The following HHAT variants were observed in gnomAD, a reference collection of about 807,000 sequenced individuals.
HHAT encodes protein-cysteine N-palmitoyltransferase HHAT.
Under a neutral mutation model 70.8 loss-of-function variants are expected in HHAT, and 47 were observed. The observed-to-expected ratio is 0.66, with a 90% CI of 0.53 to 0.85. The LOEUF is 0.85. HHAT is among the 40% of genes least tolerant of loss of function. HHAT has a pLI of 0.00. For synonymous variants in HHAT, 228 were observed against 247.6 expected (o/e 0.92, Z 0.74); for missense variants, 609 against 604.8 (o/e 1.01, Z -0.07).
At position 210,480,918 on chromosome 1, in the gene HHAT, G is replaced by C. The variant is rs1420728527; in HGVS notation, c.1007+16263G>C. 2.0e-5 allele frequency among the ~76,000 whole-genome samples: 3 copies of C among 152,102 alleles called. No homozygotes were observed. In the South Asian group the frequency reaches 6.2e-4, roughly 32 times the overall value. ...CCATCCATCTATCCATTCACTGATC[G>C]AACAAATATTTGTTGAGTGCCTGTT... On this transcript the variant is annotated intron_variant, in intron 8 of 11. Coordinates refer to ENST00000261458, the MANE Select transcript of HHAT (RefSeq NM_018194.6).
At chr1:210,424,561 A>C (rs953285227) in intron 7 of HHAT, among the ~76,000 whole-genome samples, 5 of 142,444 alleles carry the variant, frequency 3.5e-5, no homozygotes, top group African/African-American at 1.3e-4. Flanking sequence ...CTGAGTACTC[A>C]TTAGTTATTT....
intron 6 of HHAT, among the ~76,000 whole-genome samples, chr1:210,409,144 G>A (rs2092439882): frequency 5.3e-5 from 8 of 152,170 alleles, no homozygotes; most frequent in Admixed American, 3.9e-4. Context: ...GGGATTACAG[G>A]CACACACCAT....
chr1:210,512,943 A>G (rs2094985116), intron 8 of HHAT, among the ~76,000 whole-genome samples: 1 of 152,076 alleles, frequency 6.6e-6, no homozygotes, highest in Non-Finnish European at 1.5e-5. Flanking sequence ...AGAATTTTGG[A>G]ATTGGTATGT....
chr1:210,598,810 T>C (rs984901644), intron 10 of HHAT, among the ~76,000 whole-genome samples: 1 of 152,254 alleles, frequency 6.6e-6, no homozygotes, highest in Non-Finnish European at 1.5e-5. Flanking sequence ...AATTTTTGGT[T>C]CTTATAAAGG....
intron 7 of HHAT, among the ~76,000 whole-genome samples, chr1:210,426,198 C>G (rs368906312): frequency 6.6e-6 from 1 of 152,158 alleles, no homozygotes; most frequent in Non-Finnish European, 1.5e-5. Flanking sequence ...GATTTTGTAT[C>G]CTGAGACTTT....
intron 8 of HHAT, among the ~76,000 whole-genome samples, chr1:210,508,515 A>G (rs1438834402): frequency 3.9e-5 from 1 of 25,690 alleles, no homozygotes; most frequent in Admixed American, 6.9e-4. Context: ...ATTTTTTTCT[A>G]ATGGGAACAG....
At chr1:210,364,861 C>A (rs1389789729) in intron 3 of HHAT, among the ~76,000 whole-genome samples, 2 of 152,320 alleles carry the variant, frequency 1.3e-5, no homozygotes, top group East Asian at 3.9e-4. Flanking sequence ...GTCCACGTGG[C>A]ACAGACACAC....
At chr1:210,560,475 GT>G (rs2148706764) in intron 9 of HHAT, among the ~76,000 whole-genome samples, 1 of 152,110 alleles carries the variant, frequency 6.6e-6, no homozygotes, top group East Asian at 1.9e-4. Context: ...TTACCTGTAA[GT>G]TAAAAAGAAC....
At chr1:210,569,365 G>T (rs1655600913) in intron 9 of HHAT, among the ~76,000 whole-genome samples, 1 of 23,532 alleles carries the variant, frequency 4.2e-5, no homozygotes, top group Non-Finnish European at 1.2e-4. Flanking sequence ...CAGAGCCAGA[G>T]TCTGCCTCAA....
chr1:210,662,357 G>A (rs1485842775), intron 11 of HHAT, among the ~76,000 whole-genome samples: 4 of 79,112 alleles, frequency 5.1e-5, no homozygotes, highest in African/African-American at 1.4e-4. Context: ...GCGGTTGTCA[G>A]GGGTGTCTGA....
At chr1:210,454,718 A>G (rs1351569562) in intron 7 of HHAT, among the ~76,000 whole-genome samples, 1 of 152,210 alleles carries the variant, frequency 6.6e-6, no homozygotes, top group African/African-American at 2.4e-5. Flanking sequence ...ATGGGCAAAT[A>G]GGATTTAATA....
At chr1:210,446,352 T>A (rs1383286009) in intron 7 of HHAT, among the ~76,000 whole-genome samples, 1 of 152,214 alleles carries the variant, frequency 6.6e-6, no homozygotes, top group Non-Finnish European at 1.5e-5. Context: ...ATGTTCTTCC[T>A]GTTTATGGAA....
chr1:210,528,959 C>T (rs1558097097), intron 9 of HHAT, among the ~76,000 whole-genome samples: 1 of 152,172 alleles, frequency 6.6e-6, no homozygotes, highest in Non-Finnish European at 1.5e-5. Context: ...GGGATAGTTT[C>T]AAATGTTGAT....
chr1:210,584,454 G>A (rs533108309), intron 9 of HHAT, among the ~76,000 whole-genome samples: 1 of 152,230 alleles, frequency 6.6e-6, no homozygotes, highest in South Asian at 2.1e-4. Flanking sequence ...CTCATGATGG[G>A]CCAGCAGTTA....
intron 8 of HHAT, among the ~76,000 whole-genome samples, chr1:210,484,148 C>G (rs1017388311): frequency 9.2e-5 from 14 of 152,160 alleles, no homozygotes; most frequent in Non-Finnish European, 2.1e-4. Flanking sequence ...TAACCCCAAG[C>G]CTGATTTCTC....
At chr1:210,453,364 A>G (rs748416740) in intron 7 of HHAT, among the ~76,000 whole-genome samples, 10 of 152,222 alleles carry the variant, frequency 6.6e-5, no homozygotes, top group Admixed American at 1.3e-4. Flanking sequence ...CTGGAACTTG[A>G]CTGTTCAATT....
chr1:210,441,898 G>A (rs1460789502), intron 7 of HHAT, among the ~76,000 whole-genome samples: 1 of 151,400 alleles, frequency 6.6e-6, no homozygotes, highest in Non-Finnish European at 1.5e-5. Context: ...TGTGCACATT[G>A]TGCAGGTTAG....
intron 9 of HHAT, among the ~76,000 whole-genome samples, chr1:210,558,237 C>T (rs1370251207): frequency 3.3e-5 from 5 of 152,174 alleles, no homozygotes; most frequent in Non-Finnish European, 5.9e-5. Flanking sequence ...GAATAGAAAA[C>T]GTGTTTCACA....
intron 10 of HHAT, among the ~76,000 whole-genome samples, chr1:210,623,032 A>C (rs74158946): frequency 0.027 from 4,149 of 152,208 alleles, 191 homozygotes; most frequent in African/African-American, 0.095. Flanking sequence ...GGGGTATGTC[A>C]CTTCTTTCCT....
Sources: allele counts gnomAD v4.1 joint callset (sites outside exome capture counted in the v4.1 genomes callset), GRCh38; gene constraint gnomAD v4.1.1; transcripts MANE v1.5; gene names NCBI Gene and HGNC (gene_info 2026-07-23, HGNC 2026-07-21).